The following CCSER1 variants were observed in gnomAD, a reference collection of about 807,000 sequenced individuals.
CCSER1 encodes serine-rich coiled-coil domain-containing protein 1.
CCSER1 carries 41 observed loss-of-function variants against 82.0 expected under a neutral mutation model. The observed-to-expected ratio is 0.50, with a 90% CI of 0.39 to 0.65. The LOEUF (loss-of-function observed/expected upper bound fraction) is 0.65. Among genes scored for constraint, CCSER1 ranks in the 30% least tolerant of loss-of-function variants. The probability of loss-of-function intolerance (pLI) is 0.00; values close to 1 mark genes in which losing one functional copy is unlikely to be tolerated. For synonymous variants in CCSER1, 414 were observed against 383.9 expected (o/e 1.08, Z -0.92); for missense variants, 1,119 against 1,064.2 (o/e 1.05, Z -0.72).
intron 8 of CCSER1, among the ~76,000 whole-genome samples, chr4:90,905,010 G>A (rs555953486): frequency 6.6e-6 from 1 of 152,080 alleles, no homozygotes; most frequent in South Asian, 2.1e-4. Context: ...ACAGAAACTT[G>A]GGAGTTGTTC....
At chr4:90,750,530 C>T (rs976949932) in intron 7 of CCSER1, among the ~76,000 whole-genome samples, 1 of 152,146 alleles carries the variant, frequency 6.6e-6, no homozygotes, top group Non-Finnish European at 1.5e-5. Context: ...AGACTATTTG[C>T]TTTCCAGTGT....
intron 10 of CCSER1, among the ~76,000 whole-genome samples, chr4:91,131,586 A>C (rs1281750303): frequency 6.6e-6 from 1 of 152,124 alleles, no homozygotes; most frequent in Non-Finnish European, 1.5e-5. Flanking sequence ...ATAGTTCATT[A>C]AAAGAAAAAA....
intron 10 of CCSER1, among the ~76,000 whole-genome samples, chr4:91,251,739 TTACA>T (rs1156644087): frequency 5.9e-5 from 9 of 152,178 alleles, no homozygotes; most frequent in African/African-American, 1.7e-4. Flanking sequence ...TTATGGAATA[TTACA>T]TACGTATATA....
intron 7 of CCSER1, among the ~76,000 whole-genome samples, chr4:90,793,888 G>C (rs1293187109): frequency 6.6e-6 from 1 of 152,124 alleles, no homozygotes; most frequent in Non-Finnish European, 1.5e-5. Flanking sequence ...TCTCATTGTG[G>C]TTTTGATTTG....
intron 6 of CCSER1, among the ~76,000 whole-genome samples, chr4:90,669,944 T>C (rs555642636): frequency 6.6e-6 from 1 of 152,132 alleles, no homozygotes; most frequent in Non-Finnish European, 1.5e-5. Context: ...ATGTCTAAAA[T>C]GCTTTTAGAT....
intron 5 of CCSER1, among the ~76,000 whole-genome samples, chr4:90,489,463 A>G (rs762943385): frequency 2.0e-5 from 3 of 152,110 alleles, no homozygotes; most frequent in Admixed American, 2.0e-4. Context: ...TGAGTTTGCT[A>G]ATCTTGGGCA....
At chr4:90,435,038 G>T (rs1328439809) in intron 4 of CCSER1, among the ~76,000 whole-genome samples, 1 of 152,000 alleles carries the variant, frequency 6.6e-6, no homozygotes, top group African/African-American at 2.4e-5. Context: ...TTTTGATTTT[G>T]TTCTTTTAAT....
chr4:91,548,751 A>G (rs982028949), intron 10 of CCSER1, among the ~76,000 whole-genome samples: 1 of 152,004 alleles, frequency 6.6e-6, no homozygotes, highest in Non-Finnish European at 1.5e-5. Flanking sequence ...CTCTGTAGGT[A>G]AAGTGTCTCC....
At chr4:90,476,473 C>T (rs140726464) in intron 5 of CCSER1, among the ~76,000 whole-genome samples, 18 of 152,120 alleles carry the variant, frequency 1.2e-4, no homozygotes, top group African/African-American at 3.9e-4. Context: ...GGAAAGGCAG[C>T]CGGCTAGATG....
chr4:90,827,981 G>T (rs902212346), intron 8 of CCSER1, among the ~76,000 whole-genome samples: 2 of 152,114 alleles, frequency 1.3e-5, no homozygotes, highest in Non-Finnish European at 2.9e-5. Context: ...AAATGAATGG[G>T]CCCTCAGAAG....
At chr4:91,227,512 T>A (rs997266045) in intron 10 of CCSER1, among the ~76,000 whole-genome samples, 1 of 150,748 alleles carries the variant, frequency 6.6e-6, no homozygotes, top group Non-Finnish European at 1.5e-5. Flanking sequence ...AGAAACAGTG[T>A]TTATTTTAAT....
intron 10 of CCSER1, among the ~76,000 whole-genome samples, chr4:91,116,874 G>A (rs1036774844): frequency 1.3e-5 from 2 of 152,112 alleles, no homozygotes; most frequent in African/African-American, 2.4e-5. Context: ...AGGGAAGAAT[G>A]GGTTTAAAAA....
intron 9 of CCSER1, among the ~76,000 whole-genome samples, chr4:90,970,411 G>T (rs1025067136): frequency 4.0e-5 from 6 of 151,570 alleles, no homozygotes; most frequent in Middle Eastern, 3.2e-3. Context: ...TATAGCAAGT[G>T]AAAAAAATAT....
intron 8 of CCSER1, among the ~76,000 whole-genome samples, chr4:90,823,630 A>AAT (rs1760061861): frequency 6.6e-6 from 1 of 152,060 alleles, no homozygotes. Flanking sequence ...AAAACAAAAG[A>AAT]ATAGTGTGTG....
chr4:91,449,590 C>T (rs1194739014), intron 10 of CCSER1, among the ~76,000 whole-genome samples: 1 of 151,992 alleles, frequency 6.6e-6, no homozygotes, highest in Non-Finnish European at 1.5e-5. Flanking sequence ...ATTCTGCAGA[C>T]AGCAAGCCAG....
chr4:90,626,501 G>C (rs1318791765), intron 5 of CCSER1, among the ~76,000 whole-genome samples: 1 of 152,140 alleles, frequency 6.6e-6, no homozygotes, highest in Non-Finnish European at 1.5e-5. Flanking sequence ...TAATTAAATT[G>C]AATCAATCGT....
chr4:90,685,170 C>T (rs1734589459), intron 6 of CCSER1, among the ~76,000 whole-genome samples: 1 of 152,058 alleles, frequency 6.6e-6, no homozygotes, highest in Non-Finnish European at 1.5e-5. Context: ...TGTGGCTAGT[C>T]ATATCATCTA....
At position 90,309,126 on chromosome 4, in the gene CCSER1, C is replaced by T; in HGVS notation, c.842C>T (p.Ala281Val). The change falls in exon 2 of 11, where the codon GCA (alanine) becomes GTA (valine). Residue 281 changes from alanine to valine, a missense_variant. Transcript: ENST00000509176. ...MDAFSKSGSM[A>V]SHCDNFGHND... ...GCATTTTCTAAAAGTGGAAGCATGG[C>T]ATCCCACTGTGACAACTTTGGCCAC... 2 of 1,613,912 alleles carry T rather than the reference C, an allele frequency of 1.2e-6. No individual in the cohort carries two copies. Among genetic ancestry groups the T allele is most frequent in the Non-Finnish European group, 1.7e-6 (2 of 1,179,844 alleles).
Position 90,308,230 on chromosome 4 carries a change from T to A in CCSER1, c.-41-14T>A. ...ATTCTATTGACTTGTTGTTTTTGTT[T>A]TAACCTTTCTCAGGCTGCAAAGTTG... On this transcript the variant is annotated splice_polypyrimidine_tract_variant and intron_variant, in intron 1 of 10. Transcript: ENST00000509176. The A allele has an allele frequency of 6.9e-7, 1 of 1,459,498 alleles. No individual in the cohort carries two copies. 90.4% of individuals were successfully genotyped at this position (1,459,498 alleles called of 1,614,324 possible). A position where few individuals can be genotyped will look rare whatever the true frequency, so the allele number is the denominator to read the frequency against.
Sources: gnomAD v4.1 joint callset for allele counts (sites outside exome capture counted in the v4.1 genomes callset) on GRCh38, gnomAD v4.1.1 for gene constraint, MANE v1.5 for transcripts, NCBI Gene and HGNC (gene_info 2026-07-23, HGNC 2026-07-21) for gene names.